SLC36A1: variants seen among roughly 807,000 people sequenced by gnomAD.
SLC36A1 encodes proton-coupled amino acid transporter 1.
A neutral mutation model predicts 47.5 loss-of-function variants in SLC36A1; 30 were observed. The observed-to-expected ratio is 0.63, with a 90% CI of 0.47 to 0.86. The LOEUF is 0.86. Ranked by LOEUF, SLC36A1 falls within the 40% of genes least tolerant of loss-of-function variation. The pLI is 0.00. For missense variants in SLC36A1, 517 were observed against 606.0 expected, an observed-to-expected ratio of 0.85 and a Z score of 1.54; for synonymous variants, 255 against 249.7, an observed-to-expected ratio of 1.02 and a Z score of -0.20.
At chr5:151,424,754 A>G in the SLC36A1 span, among the ~76,000 whole-genome samples, 4 of 151,928 alleles carry the variant, frequency 2.6e-5, no homozygotes, top group African/African-American at 9.7e-5. Context: ...ATCTTACAAA[A>G]TTGTTTAATT....
intron 1 of SLC36A1, among the ~76,000 whole-genome samples, chr5:151,451,896 A>G (rs1753714801): frequency 6.6e-6 from 1 of 152,084 alleles, no homozygotes; most frequent in African/African-American, 2.4e-5. Flanking sequence ...TGGTAGAAAG[A>G]ATACTGGACT....
the SLC36A1 span, among the ~76,000 whole-genome samples, chr5:151,538,614 C>T: frequency 6.6e-6 from 1 of 152,186 alleles, no homozygotes; most frequent in Non-Finnish European, 1.5e-5. Flanking sequence ...TCATGGTTTC[C>T]ACCACTGTTG....
upstream of SLC36A1, among the ~76,000 whole-genome samples, chr5:151,447,245 T>C (rs1208872148): frequency 1.3e-5 from 2 of 152,232 alleles, no homozygotes; most frequent in Non-Finnish European, 2.9e-5. Flanking sequence ...TGTGTATGCT[T>C]CTGAAAAATT....
At chr5:151,550,080 G>A in the SLC36A1 span, among the ~76,000 whole-genome samples, 2 of 152,178 alleles carry the variant, frequency 1.3e-5, no homozygotes. Flanking sequence ...AGACAAATGG[G>A]CAGGGTCAGG....
At chr5:151,473,089 T>G (rs1286275145) in intron 7 of SLC36A1, among the ~76,000 whole-genome samples, 2 of 152,106 alleles carry the variant, frequency 1.3e-5, no homozygotes, top group African/African-American at 4.8e-5. Context: ...AAGAATTGCT[T>G]GAACCCAGGA....
intron 1 of SLC36A1, among the ~76,000 whole-genome samples, chr5:151,437,714 AT>A (rs1759853794): frequency 6.6e-6 from 1 of 152,212 alleles, no homozygotes; most frequent in Non-Finnish European, 1.5e-5. Context: ...ATAAAGCTAC[AT>A]TTATTTTAGA....
intron 10 of SLC36A1, among the ~76,000 whole-genome samples, chr5:151,483,392 G>A (rs756835592): frequency 6.6e-6 from 1 of 152,168 alleles, no homozygotes. Flanking sequence ...TCATGTGGTC[G>A]AGCTGAGGTT....
intron 7 of SLC36A1, among the ~76,000 whole-genome samples, chr5:151,472,031 C>T (rs758150320): frequency 4.6e-5 from 7 of 152,098 alleles, no homozygotes; most frequent in South Asian, 2.1e-4. Context: ...GACTGTTGTT[C>T]GGTGGAGGAT....
chr5:151,351,768 C>A, the SLC36A1 span, among the ~76,000 whole-genome samples: 3 of 152,166 alleles, frequency 2.0e-5, no homozygotes, highest in Non-Finnish European at 4.4e-5. Flanking sequence ...TCCAAGCCAG[C>A]ATCATCCCTC....
chr5:151,506,060 G>A, the SLC36A1 span: 2 of 1,549,422 alleles, frequency 1.3e-6, no homozygotes, highest in South Asian at 1.3e-5. Flanking sequence ...CGTTCCTGGA[G>A]TAAGTAGGGG....
the SLC36A1 span, among the ~76,000 whole-genome samples, chr5:151,403,635 T>C: frequency 0.023 from 3,547 of 152,252 alleles, 120 homozygotes; most frequent in East Asian, 0.14. Context: ...TACCCAGTCT[T>C]AGATATTTCT....
At chr5:151,407,325 C>T in the SLC36A1 span, among the ~76,000 whole-genome samples, 96 of 152,240 alleles carry the variant, frequency 6.3e-4, no homozygotes, top group African/African-American at 2.3e-3. Context: ...GTTTACAAAC[C>T]TTTAGCTAAA....
At chr5:151,540,556 C>G in the SLC36A1 span, 1 of 1,602,484 alleles carries the variant, frequency 6.2e-7, no homozygotes, top group Non-Finnish European at 8.5e-7. Context: ...CACCCCTCGC[C>G]AGGCTCTCAC....
At chr5:151,352,332 A>T in the SLC36A1 span, among the ~76,000 whole-genome samples, 2 of 152,130 alleles carry the variant, frequency 1.3e-5, no homozygotes, top group Non-Finnish European at 2.9e-5. Context: ...TGAAAGTGGG[A>T]AGTACTTGGT....
the SLC36A1 span, among the ~76,000 whole-genome samples, chr5:151,395,126 T>C: frequency 1.3e-5 from 2 of 152,208 alleles, no homozygotes; most frequent in African/African-American, 4.8e-5. Context: ...TCCCACAGCC[T>C]CACTGCCACC....
intron 1 of SLC36A1, among the ~76,000 whole-genome samples, chr5:151,452,144 C>A (rs2127455263): frequency 6.6e-6 from 1 of 152,348 alleles, no homozygotes; most frequent in African/African-American, 2.4e-5. Context: ...CTGAGGTCAG[C>A]AGCTGCCCTG....
chr5:151,527,436 C>G, the SLC36A1 span: 4 of 1,460,288 alleles, frequency 2.7e-6, no homozygotes, highest in Non-Finnish European at 2.8e-6. Flanking sequence ...ACTTCTGCCC[C>G]CTGAGTCATC....
the SLC36A1 span, among the ~76,000 whole-genome samples, chr5:151,430,594 G>A: frequency 6.6e-6 from 1 of 152,116 alleles, no homozygotes; most frequent in African/African-American, 2.4e-5. Context: ...AAAGTGCTGG[G>A]ATTACAGGCA....
At chr5:151,459,366 G>T (rs569852643) in intron 2 of SLC36A1, among the ~76,000 whole-genome samples, 9 of 152,178 alleles carry the variant, frequency 5.9e-5, no homozygotes, top group Non-Finnish European at 1.2e-4. Context: ...ATTAACTTCT[G>T]CACTTAAAAA....
Sources: allele counts gnomAD v4.1 joint callset (sites outside exome capture counted in the v4.1 genomes callset), GRCh38; gene constraint gnomAD v4.1.1; transcripts MANE v1.5; gene names NCBI Gene and HGNC (gene_info 2026-07-23, HGNC 2026-07-21).